The following LAPTM4B variants were observed in gnomAD, a reference collection of about 807,000 sequenced individuals.
The protein encoded by LAPTM4B is lysosomal-associated transmembrane protein 4B.
LAPTM4B carries 26 observed loss-of-function variants against 28.5 expected under a neutral mutation model. That is an observed-to-expected ratio of 0.91 (90% CI 0.67 to 1.27). LAPTM4B has a LOEUF of 1.27. LAPTM4B is among the 50% of genes most tolerant of loss of function. The probability of loss-of-function intolerance (pLI) is 0.00; values close to 1 mark genes in which losing one functional copy is unlikely to be tolerated. For synonymous variants in LAPTM4B, 109 were observed against 106.4 expected, an observed-to-expected ratio of 1.02 and a Z score of -0.15; for missense variants, 288 against 285.8, an observed-to-expected ratio of 1.01 and a Z score of -0.06.
rs1816269880 is a variant in LAPTM4B, at chr8:97,779,151, C to T, written c.99+3043C>T. ...AGCTGCAGTGAGCTGTGATTGCACC[C>T]CTACACTCCAGCCTGGGCAACCAGA... is the stretch of plus-strand genomic sequence containing the variant. On this transcript the variant is annotated intron_variant, in intron 1 of 6. Coordinates refer to ENST00000521545, the MANE Select transcript of LAPTM4B (RefSeq NM_018407.6). Among the ~76,000 whole-genome samples the T allele has an allele frequency of 2.6e-5, 4 of 152,076 alleles. No homozygotes were observed. In the South Asian group the frequency reaches 8.3e-4, roughly 32 times the overall value.
chr8:97,812,011 T>C (rs13261020), intron 2 of LAPTM4B, among the ~76,000 whole-genome samples: 4 of 151,334 alleles, frequency 2.6e-5, no homozygotes, highest in African/African-American at 9.7e-5. Context: ...TTGCCATGTT[T>C]CCCAAGTTGG....
intron 2 of LAPTM4B, among the ~76,000 whole-genome samples, chr8:97,808,637 A>G (rs1286187072): frequency 6.6e-6 from 1 of 152,032 alleles, no homozygotes; most frequent in Admixed American, 6.6e-5. Context: ...TACCTTTATA[A>G]CCACGTGATT....
At chr8:97,849,346 T>TCTG (rs1187617798) in intron 6 of LAPTM4B, among the ~76,000 whole-genome samples, 7 of 152,196 alleles carry the variant, frequency 4.6e-5, no homozygotes, top group African/African-American at 1.7e-4. Flanking sequence ...CAGTGACATG[T>TCTG]TTTCAGGTTC....
chr8:97,837,663 C>T (rs182514567), intron 6 of LAPTM4B, among the ~76,000 whole-genome samples: 4 of 152,186 alleles, frequency 2.6e-5, no homozygotes, highest in Middle Eastern at 3.4e-3. Context: ...CAGTCCTGTA[C>T]GCACCAAATT....
chr8:97,802,742 T>C (rs2248125), intron 1 of LAPTM4B, among the ~76,000 whole-genome samples: 75,941 of 151,882 alleles, frequency 0.5, 19,310 homozygotes, highest in Middle Eastern at 0.61. Context: ...TTTCACTATA[T>C]ATTCTTTGTA....
chr8:97,843,608 T>C (rs191763968), intron 6 of LAPTM4B, among the ~76,000 whole-genome samples: 5 of 152,156 alleles, frequency 3.3e-5, no homozygotes, highest in Non-Finnish European at 7.4e-5. Context: ...GGTGAAACTC[T>C]GTCTCTACTA....
intron 1 of LAPTM4B, among the ~76,000 whole-genome samples, chr8:97,779,042 C>A (rs890788018): frequency 1.3e-5 from 2 of 152,094 alleles, no homozygotes; most frequent in Non-Finnish European, 2.9e-5. Context: ...GGAATGGAGT[C>A]AATTATCAGA....
At chr8:97,780,011 A>G (rs1468565633) in intron 1 of LAPTM4B, among the ~76,000 whole-genome samples, 1 of 148,854 alleles carries the variant, frequency 6.7e-6, no homozygotes, top group Non-Finnish European at 1.5e-5. Flanking sequence ...AGATCACGCC[A>G]CTGCACTCCA....
In LAPTM4B at chr8:97,839,610, G is replaced by A. The variant is rs564496019; in HGVS notation, c.604-11787G>A. ...GAAGACTACACGAGCACTTGTAAACGTTAGGAGGCTTTGCATCTGGGGGAT... is the reference window on the plus strand; with the variant it reads ...GAAGACTACACGAGCACTTGTAAACATTAGGAGGCTTTGCATCTGGGGGAT... On this transcript the variant is annotated intron_variant, in intron 6 of 6. Coordinates refer to ENST00000521545, the MANE Select transcript of LAPTM4B (RefSeq NM_018407.6). Among the ~76,000 whole-genome samples the A allele has an allele frequency of 6.6e-5, 10 of 151,146 alleles. No individual in the cohort carries two copies. The East Asian group carries it at 1.5e-3, about 23-fold the overall frequency.
intron 1 of LAPTM4B, among the ~76,000 whole-genome samples, chr8:97,786,640 G>A (rs1816407200): frequency 6.6e-6 from 1 of 151,624 alleles, no homozygotes; most frequent in African/African-American, 2.4e-5. Flanking sequence ...CGGAGGTTGT[G>A]GTGAGCTGAG....
Position 97,820,304 on chromosome 8 carries a change from C to CTT in LAPTM4B, c.507+1081_507+1082dup, listed in dbSNP as rs71570268. Reference sequence around the variant, plus strand: ...TTTTTTTATTTATTTTTCTTTCTTTCTTTTTTTTTTTTTTTTGAGGTAGGG... The same window carrying CTT: ...TTTTTTTATTTATTTTTCTTTCTTTCTTTTTTTTTTTTTTTTTTGAGGTAGGG... On this transcript the variant is annotated intron_variant, in intron 5 of 6. Coordinates refer to ENST00000521545, the MANE Select transcript of LAPTM4B (RefSeq NM_018407.6). 4.4e-3 allele frequency among the ~76,000 whole-genome samples: 562 copies of CTT among 128,296 alleles called. 12 individuals carry two copies. The highest frequency in any genetic ancestry group is 0.014 in the African/African-American group (498 of 34,738). 84.2% of individuals were successfully genotyped at this position (128,296 alleles called of 152,430 possible).
At chr8:97,822,340 A>T (rs1303585601) in intron 5 of LAPTM4B, among the ~76,000 whole-genome samples, 3 of 151,958 alleles carry the variant, frequency 2.0e-5, no homozygotes, top group Non-Finnish European at 4.4e-5. Context: ...TATAAATCTT[A>T]CCTGCAGGAA....
Position 97,776,093 on chromosome 8 carries a change from C to G in LAPTM4B, c.84C>G (p.Leu28=). 1 of 1,582,398 alleles carries G rather than the reference C, an allele frequency of 6.3e-7. No homozygotes were observed. Among genetic ancestry groups the G allele is most frequent in the African/African-American group, 1.4e-5 (1 of 71,708 alleles). ...CCHVRTGTIL[L]GVWYLIINAV... is the part of the protein sequence containing the mutation. ...ATGTCCGCACCGGCACCATCCTGCTCGGCGTCTGGTATCTGGTGAGCGCGG... is the reference window on the plus strand; with the variant it reads ...ATGTCCGCACCGGCACCATCCTGCTGGGCGTCTGGTATCTGGTGAGCGCGG... Residue 28 remains leucine (L), a synonymous_variant, in exon 1 of 7, where the codon CTC becomes CTG. Coordinates refer to ENST00000521545, the MANE Select transcript of LAPTM4B (RefSeq NM_018407.6).
chr8:97,823,066 C>G (rs1242068473), intron 5 of LAPTM4B, among the ~76,000 whole-genome samples: 1 of 152,152 alleles, frequency 6.6e-6, no homozygotes, highest in Non-Finnish European at 1.5e-5. Flanking sequence ...TGGTCTCTAT[C>G]TCCTGACTTT....
intron 1 of LAPTM4B, among the ~76,000 whole-genome samples, chr8:97,800,721 C>A (rs1816664002): frequency 6.6e-6 from 1 of 151,972 alleles, no homozygotes; most frequent in South Asian, 2.1e-4. Flanking sequence ...ATCTTAAACT[C>A]CTGACTTATG....
At chr8:97,810,004 A>G (rs534452195) in intron 2 of LAPTM4B, among the ~76,000 whole-genome samples, 1 of 152,146 alleles carries the variant, frequency 6.6e-6, no homozygotes, top group Non-Finnish European at 1.5e-5. Context: ...ATCTGGGCTT[A>G]CTGCAATCCC....
At chr8:97,782,711 C>CG (rs1266926122) in intron 1 of LAPTM4B, among the ~76,000 whole-genome samples, 1 of 150,656 alleles carries the variant, frequency 6.6e-6, no homozygotes, top group African/African-American at 2.4e-5. Context: ...GCTGGGATTA[C>CG]GGGCGTGAGC....
At chr8:97,805,250 C>T in intron 1 of LAPTM4B, 103 bp from the exon 2 acceptor site, 1 of 643,834 alleles carries the variant, frequency 1.6e-6, no homozygotes, top group Non-Finnish European at 2.7e-6. Context: ...AAGAAGTTGC[C>T]TGTGGCCAGC....
At chr8:97,842,594 C>T (rs113907184) in intron 6 of LAPTM4B, among the ~76,000 whole-genome samples, 1 of 152,176 alleles carries the variant, frequency 6.6e-6, no homozygotes, top group Non-Finnish European at 1.5e-5. Context: ...TCTCAGCTCA[C>T]TACAAGCTCC....
Sources: gnomAD v4.1 joint callset for allele counts (sites outside exome capture counted in the v4.1 genomes callset) on GRCh38, gnomAD v4.1.1 for gene constraint, MANE v1.5 for transcripts, NCBI Gene and HGNC (gene_info 2026-07-23, HGNC 2026-07-21) for gene names.